Variants in ENPP6 observed in about 807,000 individuals in gnomAD.
The protein encoded by ENPP6 is glycerophosphocholine cholinephosphodiesterase ENPP6.
ENPP6 carries 32 observed loss-of-function variants against 42.0 expected under a neutral mutation model. The observed-to-expected ratio is 0.76, with a 90% CI of 0.58 to 1.02. The LOEUF (loss-of-function observed/expected upper bound fraction) is 1.02. Ranked by LOEUF, ENPP6 falls within the 50% of genes least tolerant of loss-of-function variation. The pLI is 0.00. For missense variants in ENPP6, 552 were observed against 566.8 expected (o/e 0.97, Z 0.27); for synonymous variants, 213 against 216.0 (o/e 0.99, Z 0.12).
intron 1 of ENPP6, among the ~76,000 whole-genome samples, chr4:184,194,124 C>T (rs931015359): frequency 7.2e-5 from 11 of 152,178 alleles, no homozygotes; most frequent in Non-Finnish European, 1.3e-4. Context: ...CCATCATGGT[C>T]CCTCATCTAC....
intron 6 of ENPP6, among the ~76,000 whole-genome samples, chr4:184,104,965 G>A: frequency 6.6e-6 from 1 of 152,224 alleles, no homozygotes; most frequent in Non-Finnish European, 1.5e-5. Flanking sequence ...CAACTCTTGA[G>A]TGTTTCCTGG....
chr4:184,101,936 C>T (rs1162404255), intron 6 of ENPP6, among the ~76,000 whole-genome samples: 2 of 152,208 alleles, frequency 1.3e-5, no homozygotes, highest in Non-Finnish European at 2.9e-5. Flanking sequence ...AGGGTGCCTT[C>T]AGGCTTGCGC....
chr4:184,160,433 G>A (rs1737241495), intron 1 of ENPP6, among the ~76,000 whole-genome samples: 1 of 152,144 alleles, frequency 6.6e-6, no homozygotes, highest in Admixed American at 6.5e-5. Flanking sequence ...TTTGTTGGCT[G>A]TTTGTATATC....
intron 1 of ENPP6, among the ~76,000 whole-genome samples, chr4:184,162,574 AG>A (rs1261614105): frequency 0.045 from 6,742 of 150,884 alleles, 176 homozygotes; most frequent in South Asian, 0.062. Context: ...GAAGGAAGGA[AG>A]AAAGGAAGGA....
intron 1 of ENPP6, among the ~76,000 whole-genome samples, chr4:184,173,124 C>T (rs978000932): frequency 1.3e-5 from 2 of 152,048 alleles, no homozygotes; most frequent in Admixed American, 1.3e-4. Flanking sequence ...CAGGCTGTCT[C>T]GAACTCCTGA....
chr4:184,200,920 A>T (rs1477145323), intron 1 of ENPP6, among the ~76,000 whole-genome samples: 1 of 152,140 alleles, frequency 6.6e-6, no homozygotes, highest in East Asian at 1.9e-4. Flanking sequence ...CTTCATCAAG[A>T]AGTAAAGATC....
At chr4:184,212,089 C>G (rs1376666495) in intron 1 of ENPP6, among the ~76,000 whole-genome samples, 87 of 150,606 alleles carry the variant, frequency 5.8e-4, no homozygotes, top group Middle Eastern at 3.4e-3. Flanking sequence ...GGACTTATTT[C>G]AAAATAATAA....
intron 6 of ENPP6, among the ~76,000 whole-genome samples, chr4:184,102,783 C>A (rs781782308): frequency 6.6e-5 from 10 of 152,358 alleles, no homozygotes; most frequent in Admixed American, 5.2e-4. Context: ...CCGTCCACAC[C>A]GGTGCATCCC....
chr4:184,183,459 T>G (rs985542592), intron 1 of ENPP6, among the ~76,000 whole-genome samples: 1 of 151,838 alleles, frequency 6.6e-6, no homozygotes, highest in African/African-American at 2.4e-5. Flanking sequence ...CTTTTACAAT[T>G]TAACTAGATC....
At chr4:184,121,681 A>T (rs1248110871) in intron 3 of ENPP6, among the ~76,000 whole-genome samples, 1 of 152,228 alleles carries the variant, frequency 6.6e-6, no homozygotes. Flanking sequence ...TTTGCTAGAC[A>T]CACATACCAA....
intron 6 of ENPP6, among the ~76,000 whole-genome samples, chr4:184,104,362 T>C (rs919710044): frequency 6.6e-6 from 1 of 152,244 alleles, no homozygotes; most frequent in Non-Finnish European, 1.5e-5. Context: ...TGGCCTCCTT[T>C]AGAAGCTTGG....
At position 184,176,409 on chromosome 4, in the gene ENPP6, G is replaced by A. The variant is rs151310854; in HGVS notation, c.242-22676C>T. On this transcript the variant is annotated intron_variant, in intron 1 of 7. Transcript: ENST00000296741. ...CTTAAATAGGAAAGCAGATGGAAAC[G>A]GTGAGAAGTTAAGTGTTAAATGGCT... 2.5e-3 allele frequency among the ~76,000 whole-genome samples: 386 copies of A among 152,310 alleles called. 2 individuals carry two copies. The highest frequency in any genetic ancestry group is 8.6e-3 in the African/African-American group (357 of 41,542).
chr4:184,180,363 A>G (rs886617732), intron 1 of ENPP6, among the ~76,000 whole-genome samples: 2 of 152,204 alleles, frequency 1.3e-5, no homozygotes, highest in African/African-American at 4.8e-5. Flanking sequence ...TGAGCCAGTA[A>G]TAAATAATCC....
chr4:184,146,885 C>T (rs1736936247), intron 2 of ENPP6, among the ~76,000 whole-genome samples: 1 of 152,176 alleles, frequency 6.6e-6, no homozygotes, highest in Non-Finnish European at 1.5e-5. Flanking sequence ...CATCTGGTTA[C>T]TAACAATTAG....
At chr4:184,186,379 C>G (rs970104213) in intron 1 of ENPP6, among the ~76,000 whole-genome samples, 1 of 152,014 alleles carries the variant, frequency 6.6e-6, no homozygotes, top group Non-Finnish European at 1.5e-5. Context: ...GCTAAAAAGA[C>G]GCAAAGTAGA....
intron 1 of ENPP6, among the ~76,000 whole-genome samples, chr4:184,193,942 A>C (rs1263502524): frequency 3.3e-5 from 5 of 152,150 alleles, no homozygotes; most frequent in Non-Finnish European, 5.9e-5. Context: ...TTCTATTAGA[A>C]GCTTTGCCTT....
intron 1 of ENPP6, among the ~76,000 whole-genome samples, chr4:184,161,981 G>T (rs1190556997): frequency 1.3e-5 from 2 of 152,088 alleles, no homozygotes; most frequent in Admixed American, 6.6e-5. Flanking sequence ...CACCACTAAA[G>T]AACTTACTTA....
chr4:184,135,926 A>G (rs1188023797), intron 2 of ENPP6, among the ~76,000 whole-genome samples: 1 of 152,210 alleles, frequency 6.6e-6, no homozygotes, highest in Non-Finnish European at 1.5e-5. Context: ...AATATTTAAC[A>G]AAATATTAGT....
intron 1 of ENPP6, among the ~76,000 whole-genome samples, chr4:184,190,919 A>C (rs1292537263): frequency 6.6e-6 from 1 of 152,218 alleles, no homozygotes; most frequent in Non-Finnish European, 1.5e-5. Context: ...GCTCAACCCC[A>C]GAAGCGCTTA....
Sources: allele counts gnomAD v4.1 joint callset (sites outside exome capture counted in the v4.1 genomes callset), GRCh38; gene constraint gnomAD v4.1.1; transcripts MANE v1.5; gene names NCBI Gene and HGNC (gene_info 2026-07-23, HGNC 2026-07-21).